The following MTHFD2L variants were observed in gnomAD, a reference collection of about 807,000 sequenced individuals.
MTHFD2L encodes bifunctional methylenetetrahydrofolate dehydrogenase/cyclohydrolase 2, mitochondrial.
MTHFD2L carries 29 observed loss-of-function variants against 34.9 expected under a neutral mutation model. The observed-to-expected ratio is 0.83, with a 90% CI of 0.62 to 1.13. The LOEUF is 1.13. Ranked by LOEUF, MTHFD2L falls within the 50% of genes most tolerant of loss-of-function variation. The probability of loss-of-function intolerance (pLI) is 0.00; values close to 1 mark genes in which losing one functional copy is unlikely to be tolerated. For synonymous variants in MTHFD2L, 167 were observed against 155.7 expected, an observed-to-expected ratio of 1.07 and a Z score of -0.54; for missense variants, 481 against 446.5, an observed-to-expected ratio of 1.08 and a Z score of -0.70.
chr4:74,164,474 A>G (rs1264576586), intron 1 of MTHFD2L, among the ~76,000 whole-genome samples: 1 of 152,240 alleles, frequency 6.6e-6, no homozygotes, highest in Non-Finnish European at 1.5e-5. Flanking sequence ...AAACAAGCCC[A>G]TGGAAACAGC....
At chr4:74,264,701 A>G (rs1231221536) in intron 6 of MTHFD2L, among the ~76,000 whole-genome samples, 1 of 150,916 alleles carries the variant, frequency 6.6e-6, no homozygotes, top group Non-Finnish European at 1.5e-5. Context: ...GTACAAACTT[A>G]AAAAAAAAGA....
intron 7 of MTHFD2L, among the ~76,000 whole-genome samples, chr4:74,300,096 G>C (rs1463241381): frequency 1.3e-5 from 2 of 151,994 alleles, no homozygotes; most frequent in African/African-American, 4.8e-5. Flanking sequence ...TGTTTCTATA[G>C]AATAGAATGC....
At chr4:74,161,147 A>G (rs997521396) in intron 1 of MTHFD2L, 1 of 152,168 alleles carries the variant, frequency 6.6e-6, no homozygotes, top group African/African-American at 2.4e-5. Flanking sequence ...CGGCTGTATA[A>G]TTTTTGCAGC....
At chr4:74,192,795 T>C (rs1231480584) in intron 3 of MTHFD2L, among the ~76,000 whole-genome samples, 1 of 152,048 alleles carries the variant, frequency 6.6e-6, no homozygotes, top group Non-Finnish European at 1.5e-5. Flanking sequence ...ATATTATTTA[T>C]CTTTTAATGA....
intron 6 of MTHFD2L, among the ~76,000 whole-genome samples, chr4:74,237,136 A>C (rs1332755866): frequency 4.6e-5 from 7 of 152,196 alleles, no homozygotes; most frequent in Non-Finnish European, 1.0e-4. Flanking sequence ...GAGAAGGAGA[A>C]AGGAAATACA....
upstream of MTHFD2L, among the ~76,000 whole-genome samples, chr4:74,124,894 T>C (rs1280742630): frequency 2.0e-5 from 3 of 152,036 alleles, no homozygotes; most frequent in East Asian, 3.8e-4. Flanking sequence ...TTTGCTTCTG[T>C]ACATGTAGAC....
intron 5 of MTHFD2L, among the ~76,000 whole-genome samples, chr4:74,203,792 A>G (rs1734843628): frequency 6.6e-6 from 1 of 152,166 alleles, no homozygotes; most frequent in Admixed American, 6.5e-5. Context: ...AGTGAGATTT[A>G]GGTGAGATTC....
intron 7 of MTHFD2L, among the ~76,000 whole-genome samples, chr4:74,300,039 A>G (rs1469540978): frequency 6.6e-6 from 1 of 152,048 alleles, no homozygotes; most frequent in African/African-American, 2.4e-5. Flanking sequence ...GGAAGAAAGG[A>G]CTAAAAATTC....
chr4:74,219,563 TG>T (rs1220786951), intron 5 of MTHFD2L, among the ~76,000 whole-genome samples: 1 of 152,068 alleles, frequency 6.6e-6, no homozygotes, highest in East Asian at 1.9e-4. Context: ...AATATAGGAA[TG>T]ACAAGAATTT....
rs1157237565 is a variant in MTHFD2L at position 74,301,694 on chromosome 4, C to T, written c.932-3C>T. On this transcript the variant is annotated splice_region_variant and splice_polypyrimidine_tract_variant and intron_variant, in intron 7 of 7. Transcript: ENST00000325278. ...ATATCTGTTTGTTTTTTTTCCTCAT[C>T]AGCTGTTAAAAAGAAAGCTGGCTTT... The T allele has an allele frequency of 6.5e-7, 1 of 1,549,900 alleles. No homozygotes were observed. The highest frequency in any genetic ancestry group is 8.7e-7 in the Non-Finnish European group (1 of 1,148,236).
intron 5 of MTHFD2L, among the ~76,000 whole-genome samples, chr4:74,212,654 G>A (rs999194955): frequency 4.6e-5 from 7 of 152,132 alleles, no homozygotes; most frequent in Non-Finnish European, 8.8e-5. Flanking sequence ...GTGGTGTCGA[G>A]AAGAATGTAT....
intron 5 of MTHFD2L, among the ~76,000 whole-genome samples, chr4:74,217,917 A>C (rs1215446215): frequency 6.6e-6 from 1 of 152,122 alleles, no homozygotes; most frequent in Non-Finnish European, 1.5e-5. Context: ...ATTTGTACTC[A>C]CATTAACAAT....
At chr4:74,293,438 A>T (rs1749246912) in intron 7 of MTHFD2L, 1 of 758,928 alleles carries the variant, frequency 1.3e-6, no homozygotes, top group Non-Finnish European at 1.6e-6. Context: ...AAGTAAATAC[A>T]TTTCTACCAC....
At chr4:74,246,863 G>A (rs1742539155) in intron 6 of MTHFD2L, among the ~76,000 whole-genome samples, 1 of 152,186 alleles carries the variant, frequency 6.6e-6, no homozygotes, top group Non-Finnish European at 1.5e-5. Flanking sequence ...CCAGTAACAT[G>A]CTGTTTTGGT....
At chr4:74,230,642 AAAGAGT>A (rs1395899197) in intron 6 of MTHFD2L, among the ~76,000 whole-genome samples, 8 of 151,946 alleles carry the variant, frequency 5.3e-5, no homozygotes, top group Non-Finnish European at 1.0e-4. Context: ...AAAGGTGAAG[AAAGAGT>A]AAGGAGACTA....
intron 6 of MTHFD2L, among the ~76,000 whole-genome samples, chr4:74,244,308 A>T (rs138780529): frequency 6.6e-6 from 1 of 152,326 alleles, no homozygotes; most frequent in Non-Finnish European, 1.5e-5. Context: ...AGAACCATCT[A>T]TTGGCTTTGC....
rs1750429567 is a variant in MTHFD2L at position 74,302,443 on chromosome 4, G to A, written c.*634G>A. Reference sequence around the variant, plus strand: ...AAAAAATGCAGTGCTGTTTGGAAGTGTAATGATTTTATCACATGGTGAATG... The same window carrying A: ...AAAAAATGCAGTGCTGTTTGGAAGTATAATGATTTTATCACATGGTGAATG... On this transcript the variant is annotated 3_prime_UTR_variant, in exon 8 of 8. Transcript: ENST00000325278. The A allele has an allele frequency of 6.6e-6, 1 of 152,058 alleles. No individual in the cohort carries two copies. Among genetic ancestry groups the A allele is most frequent in the South Asian group, 2.1e-4 (1 of 4,832 alleles). The allele number at this position is 152,058 out of a possible 1,614,324, so 9.4% of individuals were successfully genotyped here. A position where few individuals can be genotyped will look rare whatever the true frequency, so the allele number is the denominator to read the frequency against.
chr4:74,135,694 C>CT (rs1209813745), intron 1 of MTHFD2L, among the ~76,000 whole-genome samples: 1 of 8,476 alleles, frequency 1.2e-4, no homozygotes, highest in Non-Finnish European at 3.4e-4. Flanking sequence ...GACAAGGACA[C>CT]ATTTTTTTTT....
intron 1 of MTHFD2L, among the ~76,000 whole-genome samples, chr4:74,131,182 T>G (rs1722467096): frequency 6.6e-6 from 1 of 152,192 alleles, no homozygotes; most frequent in African/African-American, 2.4e-5. Context: ...ATAGATTCAA[T>G]GCTATCCCAT....
Sources: allele counts gnomAD v4.1 joint callset (sites outside exome capture counted in the v4.1 genomes callset), GRCh38; gene constraint gnomAD v4.1.1; transcripts MANE v1.5; gene names NCBI Gene and HGNC (gene_info 2026-07-23, HGNC 2026-07-21).